The following CFAP47 variants were observed in gnomAD, a reference collection of about 807,000 sequenced individuals.
CFAP47 encodes cilia and flagella associated protein 47, also known as cilia- and flagella-associated protein 47.
Under a neutral mutation model 148.1 loss-of-function variants are expected in CFAP47, and 29 were observed. The observed-to-expected ratio is 0.20, with a 90% CI of 0.15 to 0.27. CFAP47 has a LOEUF of 0.27. CFAP47 is among the 10% of genes least tolerant of loss of function. The pLI is 1.00. For missense variants in CFAP47, 1,872 were observed against 1,697.5 expected, an observed-to-expected ratio of 1.10 and a Z score of -1.81; for synonymous variants, 664 against 577.3, an observed-to-expected ratio of 1.15 and a Z score of -2.15.
chrX:36,365,778 A>G (rs782328888), intron 61 of CFAP47: 1 of 110,897 alleles, frequency 9.0e-6, no homozygotes, highest in Middle Eastern at 4.6e-3. Flanking sequence ...GCTAAGGATA[A>G]TGGCCTCCAG....
chrX:36,272,022 A>G (rs1556001946), intron 49 of CFAP47, among the ~76,000 whole-genome samples: 2 of 112,008 alleles, frequency 1.8e-5, no homozygotes, highest in African/African-American at 6.5e-5. Context: ...ACAATAGCCA[A>G]CACTATAGAC....
intron 33 of CFAP47, among the ~76,000 whole-genome samples, chrX:36,113,445 C>T (rs1938586094): frequency 9.0e-6 from 1 of 111,695 alleles, no homozygotes; most frequent in Admixed American, 9.5e-5. Flanking sequence ...GGGGTTTCTG[C>T]TGAGATGTCT....
rs1556019209 is a variant in CFAP47, at chrX:36,361,385, G to T, written c.8907G>T (p.Met2969Ile). 8.9e-7 allele frequency: 1 copy of T among 1,119,746 alleles called. No homozygotes were observed. Among genetic ancestry groups the T allele is most frequent in the Non-Finnish European group, 1.2e-6 (1 of 838,521 alleles). 92.3% of individuals were successfully genotyped at this position (1,119,746 alleles called of 1,213,427 possible). ...EYEIQFESEA[M>I]KSKLESCVAL... ...AAATTCAATTTGAATCTGAAGCTATGAAGTCTAAGTTGGAATCCTGTGTAG... is the reference window on the plus strand; with the variant it reads ...AAATTCAATTTGAATCTGAAGCTATTAAGTCTAAGTTGGAATCCTGTGTAG... The change falls in exon 61 of 64, where the codon ATG becomes ATT. Residue 2969 changes from methionine (M) to isoleucine (I), a missense_variant. Met to Ile is a conservative substitution (Grantham distance 10). Coordinates refer to ENST00000378653, the MANE Select transcript of CFAP47 (RefSeq NM_001304548.2).
At chrX:36,375,230 G>A (rs1342305213) in intron 62 of CFAP47, 20 of 226,301 alleles carry the variant, frequency 8.8e-5, no homozygotes, top group Admixed American at 3.9e-4. Context: ...AGGGGAGAGC[G>A]CACGCAGTTA....
chrX:35,968,644 C>A (rs757736237), intron 10 of CFAP47, among the ~76,000 whole-genome samples: 2 of 111,279 alleles, frequency 1.8e-5, no homozygotes, highest in African/African-American at 6.5e-5. Flanking sequence ...CAGACATTTT[C>A]TTGCAATACC....
intron 52 of CFAP47, among the ~76,000 whole-genome samples, chrX:36,300,010 A>G (rs1556007509): frequency 8.9e-6 from 1 of 111,855 alleles, no homozygotes; most frequent in Non-Finnish European, 1.9e-5. Flanking sequence ...TTGCCCCAAT[A>G]TGACTGCACA....
intron 48 of CFAP47, among the ~76,000 whole-genome samples, chrX:36,249,373 G>C (rs1555997739): frequency 9.0e-6 from 1 of 110,803 alleles, no homozygotes; most frequent in Non-Finnish European, 1.9e-5. Context: ...ATAATAATTA[G>C]AGATAAATAC....
chrX:36,139,840 C>T (rs1939109032), intron 35 of CFAP47, among the ~76,000 whole-genome samples: 1 of 111,663 alleles, frequency 9.0e-6, no homozygotes, highest in South Asian at 3.7e-4. Flanking sequence ...ATTGAAGTCA[C>T]TTGCATGTTA....
chrX:36,077,178 T>A (rs1937875786), intron 29 of CFAP47, among the ~76,000 whole-genome samples: 1 of 74,150 alleles, frequency 1.3e-5, no homozygotes, highest in African/African-American at 5.1e-5. Flanking sequence ...ATACAGCGCC[T>A]CCAGCTTTTT....
At chrX:36,063,117 C>A (rs1454357525) in intron 26 of CFAP47, among the ~76,000 whole-genome samples, 2 of 111,649 alleles carry the variant, frequency 1.8e-5, no homozygotes. Context: ...CTATTTAAAT[C>A]TTATAATGGA....
intron 40 of CFAP47, among the ~76,000 whole-genome samples, chrX:36,179,701 A>G (rs781046222): frequency 2.5e-4 from 28 of 111,813 alleles, no homozygotes; most frequent in Non-Finnish European, 4.3e-4. Context: ...GTGAATACTG[A>G]ACCATTATTC....
intron 29 of CFAP47, among the ~76,000 whole-genome samples, chrX:36,079,892 C>G (rs1227379152): frequency 9.0e-6 from 1 of 111,714 alleles, no homozygotes; most frequent in African/African-American, 3.3e-5. Context: ...GTCTAAAACA[C>G]CAAAAGCAAT....
At chrX:36,067,378 T>C (rs1937656774) in intron 27 of CFAP47, among the ~76,000 whole-genome samples, 1 of 111,761 alleles carries the variant, frequency 8.9e-6, no homozygotes, top group Non-Finnish European at 1.9e-5. Flanking sequence ...TCTCTATGTT[T>C]GTACCTATAG....
intron 1 of CFAP47, among the ~76,000 whole-genome samples, chrX:35,924,141 A>G (rs139565135): frequency 0.013 from 1,235 of 98,433 alleles, 21 homozygotes; most frequent in Middle Eastern, 0.041. Flanking sequence ...GTATATGTGT[A>G]CATGTATGCG....
chrX:35,990,996 T>C, intron 16 of CFAP47, among the ~76,000 whole-genome samples: 1 of 111,826 alleles, frequency 8.9e-6, no homozygotes, highest in East Asian at 2.8e-4. Context: ...TAGGAGTTTT[T>C]TCAACTGTAA....
chrX:36,233,567 C>G (rs1940403447), intron 46 of CFAP47, among the ~76,000 whole-genome samples: 1 of 111,603 alleles, frequency 9.0e-6, no homozygotes, highest in Non-Finnish European at 1.9e-5. Context: ...ACTCTTTATC[C>G]AATTTGCCAG....
intron 19 of CFAP47, 146 bp downstream of exon 19, chrX:35,997,535 A>C (rs1187698603): frequency 4.4e-6 from 1 of 227,074 alleles, no homozygotes; most frequent in Non-Finnish European, 7.8e-6. Flanking sequence ...AAAATTAATA[A>C]AAATTAATAT....
intron 40 of CFAP47, among the ~76,000 whole-genome samples, chrX:36,183,865 C>G (rs1257994195): frequency 9.0e-6 from 1 of 111,630 alleles, no homozygotes; most frequent in Admixed American, 9.6e-5. Context: ...AATGGAACAG[C>G]TGGGCTCAGA....
Position 35,951,225 on chromosome X carries a change from A to G in CFAP47, c.751A>G (p.Arg251Gly), listed in dbSNP as rs780010544. 8.3e-7 allele frequency: 1 copy of G among 1,207,509 alleles called. No individual in the cohort carries two copies. The highest frequency in any genetic ancestry group is 1.8e-5 in the African/African-American group (1 of 57,038). Residue 251 changes from arginine to glycine, a missense_variant, in exon 5 of 64, where the codon AGG becomes GGG. Coordinates refer to ENST00000378653, the MANE Select transcript of CFAP47 (RefSeq NM_001304548.2). ...ATTATTAAGCATGAGTAGTGACAGA[A>G]GGCTGGAATGCATACACTTTGGTCC... The part of the protein sequence containing the change: ...IELLSMSSDR[R>G]LECIHFGPVF...
Sources: gnomAD v4.1 joint callset for allele counts (sites outside exome capture counted in the v4.1 genomes callset) on GRCh38, gnomAD v4.1.1 for gene constraint, MANE v1.5 for transcripts, NCBI Gene and HGNC (gene_info 2026-07-23, HGNC 2026-07-21) for gene names.